Variants in COG2 observed in about 807,000 individuals in gnomAD.
COG2 encodes conserved oligomeric Golgi complex subunit 2.
COG2 carries 52 observed loss-of-function variants against 90.6 expected under a neutral mutation model. The observed-to-expected ratio is 0.57, with a 90% CI of 0.46 to 0.72. COG2 has a LOEUF of 0.72. Ranked by LOEUF, COG2 falls within the 30% of genes least tolerant of loss-of-function variation. The pLI is 0.00. For missense variants in COG2, 829 were observed against 891.2 expected, an observed-to-expected ratio of 0.93 and a Z score of 0.89; for synonymous variants, 337 against 320.4, an observed-to-expected ratio of 1.05 and a Z score of -0.55.
chr1:230,688,204 A>G, intron 14 of COG2, 61 bp downstream of exon 14: 1 of 1,314,080 alleles, frequency 7.6e-7, no homozygotes, highest in Non-Finnish European at 1.1e-6. Context: ...ATAAAATCTC[A>G]GAGACTGTAG....
chr1:230,669,093 T>C, intron 6 of COG2: 1 of 457,354 alleles, frequency 2.2e-6, no homozygotes, highest in Non-Finnish European at 3.8e-6. Flanking sequence ...TGATGTTTCC[T>C]CAAGATTGAC....
At chr1:230,656,663 T>C (rs1264363756) in intron 1 of COG2, among the ~76,000 whole-genome samples, 1 of 152,200 alleles carries the variant, frequency 6.6e-6, no homozygotes, top group Non-Finnish European at 1.5e-5. Flanking sequence ...ATCTGTCTAA[T>C]ATTGACAGTG....
intron 10 of COG2, chr1:230,679,838 G>C (rs1361565501): frequency 1.5e-4 from 23 of 152,188 alleles, no homozygotes; most frequent in Admixed American, 1.5e-3. Context: ...TAAATTGCTG[G>C]ATGCTTTCAT....
intron 1 of COG2, 22 bp downstream of exon 1, chr1:230,642,700 C>A: frequency 6.2e-7 from 1 of 1,606,214 alleles, no homozygotes; most frequent in Non-Finnish European, 8.5e-7. Flanking sequence ...GTCCGCTCCC[C>A]GGAGCCGGGC....
In COG2 at chr1:230,663,150, T is replaced by G. The variant is rs765572910; in HGVS notation, c.310T>G (p.Ser104Ala). Residue 104 changes from serine to alanine, a missense_variant, in exon 4 of 18, where the codon TCG becomes GCG. Ser to Ala is a moderately conservative substitution (Grantham distance 99, BLOSUM62 1). Transcript: ENST00000366669. ...TTTTTGTCTTTTAAAGAGCCTTAGA[T>G]CGTCTGTCAGTGAAGGAATTCGGGC... ...QLREEVLSLRSSVSEGIRAVD... is the reference protein window; with the variant it reads ...QLREEVLSLRASVSEGIRAVD... The G allele has an allele frequency of 6.2e-7, 1 of 1,608,800 alleles. No individual in the cohort carries two copies. Among genetic ancestry groups the G allele is most frequent in the Non-Finnish European group, 8.5e-7 (1 of 1,177,572 alleles).
chr1:230,676,857 G>C (rs1662612961), intron 9 of COG2, among the ~76,000 whole-genome samples: 1 of 152,092 alleles, frequency 6.6e-6, no homozygotes, highest in African/African-American at 2.4e-5. Flanking sequence ...GCATTATTAA[G>C]TTAGCCGTTA....
At chr1:230,687,480 T>G (rs1051426082) in intron 13 of COG2, among the ~76,000 whole-genome samples, 2 of 152,240 alleles carry the variant, frequency 1.3e-5, no homozygotes, top group Admixed American at 1.3e-4. Flanking sequence ...CTTATTCTGG[T>G]CAGGCATGAT....
chr1:230,683,767 T>C, intron 11 of COG2, 132 bp downstream of exon 11: 1 of 646,346 alleles, frequency 1.5e-6, no homozygotes. Flanking sequence ...AAGTTGGACC[T>C]TAAAAATCAC....
At chr1:230,665,008 T>G (rs948459015) in intron 5 of COG2, among the ~76,000 whole-genome samples, 2 of 152,198 alleles carry the variant, frequency 1.3e-5, no homozygotes, top group African/African-American at 4.8e-5. Flanking sequence ...CAGGACATAT[T>G]TCACTGAAAT....
rs746745975 is a variant in COG2 at position 230,690,061 on chromosome 1, C to A, written c.1842C>A (p.Pro614=). The A allele has an allele frequency of 6.2e-7, 1 of 1,612,928 alleles. No individual in the cohort carries two copies. Among genetic ancestry groups the A allele is most frequent in the Admixed American group, 1.7e-5 (1 of 59,922 alleles). ...CCTATGTGGACAGTGCTCTGAAGCC[C>A]TTATTCCAGCTTCAGAGCGGACACA... ...ASSYVDSALK[P]LFQLQSGHKD... The change falls in exon 16 of 18, where the codon CCC becomes CCA. Residue 614 remains proline (P), a synonymous_variant. Transcript: ENST00000366669.
chr1:230,691,245 A>G (rs1663018371), intron 16 of COG2, 139 bp from the exon 17 acceptor site: 1 of 614,516 alleles, frequency 1.6e-6, no homozygotes, highest in Non-Finnish European at 2.7e-6. Flanking sequence ...AGAAACTTAA[A>G]TACTTACCGT....
intron 3 of COG2, 149 bp from the exon 4 acceptor site, chr1:230,662,992 C>A: frequency 2.0e-6 from 1 of 507,866 alleles, no homozygotes; most frequent in Non-Finnish European, 3.4e-6. Flanking sequence ...GAGACACAAA[C>A]AGCAATTGTG....
At chr1:230,665,694 C>T (rs1662303287) in intron 5 of COG2, among the ~76,000 whole-genome samples, 1 of 152,152 alleles carries the variant, frequency 6.6e-6, no homozygotes, top group Non-Finnish European at 1.5e-5. Context: ...CTTTTTTCTT[C>T]AGCCTGTAGT....
In COG2 at chr1:230,643,758, T is replaced by C. The variant is rs961925845; in HGVS notation, c.72+1080T>C. Among the ~76,000 whole-genome samples the C allele has an allele frequency of 2.0e-5, 3 of 152,192 alleles. 1 individual carries two copies. The South Asian group carries it at 6.2e-4, about 32-fold the overall frequency. On this transcript the variant is annotated intron_variant, in intron 1 of 17. Coordinates refer to ENST00000366669, the MANE Select transcript of COG2 (RefSeq NM_007357.3). Reference sequence around the variant, plus strand: ...GAATAATGTACCTTATTCTTGTAAGTGATATTCCTATTAGACCACTGTACT... The same window carrying C: ...GAATAATGTACCTTATTCTTGTAAGCGATATTCCTATTAGACCACTGTACT...
chr1:230,678,844 T>C, intron 9 of COG2, 69 bp from the exon 10 acceptor site: 1 of 1,592,992 alleles, frequency 6.3e-7, no homozygotes. Context: ...TTGATTACAG[T>C]TTTCAGTACA....
intron 15 of COG2, among the ~76,000 whole-genome samples, chr1:230,689,264 T>C (rs1331702102): frequency 6.6e-6 from 1 of 151,890 alleles, no homozygotes; most frequent in Non-Finnish European, 1.5e-5. Flanking sequence ...TATGCAAATA[T>C]TATGCCATTT....
chr1:230,664,632 C>A (rs1662273244), intron 5 of COG2, 45 bp downstream of exon 5: 1 of 993,216 alleles, frequency 1.0e-6, no homozygotes, highest in Non-Finnish European at 1.5e-6. Context: ...TACTTCACAT[C>A]CAGAGTAAAA....
intron 16 of COG2, among the ~76,000 whole-genome samples, chr1:230,690,609 G>A (rs1161742372): frequency 1.3e-5 from 2 of 152,204 alleles, no homozygotes; most frequent in African/African-American, 4.8e-5. Context: ...ACAAGGACTC[G>A]ATTCCTAAAA....
chr1:230,678,140 T>G (rs770529592), intron 9 of COG2: 583 of 985,308 alleles, frequency 5.9e-4, no homozygotes, highest in Non-Finnish European at 6.8e-4. Context: ...AACAGTGTTC[T>G]TAGAGCCTGG....
Sources: gnomAD v4.1 joint callset for allele counts (sites outside exome capture counted in the v4.1 genomes callset) on GRCh38, gnomAD v4.1.1 for gene constraint, MANE v1.5 for transcripts, NCBI Gene and HGNC (gene_info 2026-07-23, HGNC 2026-07-21) for gene names.